ZNF483: variants seen among roughly 807,000 people sequenced by gnomAD.
ZNF483 encodes zinc finger protein HIT-10.
ZNF483 carries 9 observed loss-of-function variants against 28.6 expected under a neutral mutation model. The observed-to-expected ratio is 0.32, with a 90% CI of 0.19 to 0.55. The LOEUF is 0.55. ZNF483 is among the 20% of genes least tolerant of loss of function. The pLI is 0.93. For missense variants in ZNF483, 675 were observed against 871.7 expected, an observed-to-expected ratio of 0.77 and a Z score of 2.84; for synonymous variants, 322 against 306.2, an observed-to-expected ratio of 1.05 and a Z score of -0.54.
intron 5 of ZNF483, 35 bp from the exon 6 acceptor site, chr9:111,541,622 C>A: frequency 1.3e-6 from 2 of 1,522,700 alleles, no homozygotes; most frequent in South Asian, 1.3e-5. Context: ...TCCTTTCTTG[C>A]AAACAGGAAA....
chr9:111,540,888 A>G (rs775649261), intron 5 of ZNF483, among the ~76,000 whole-genome samples: 1 of 152,162 alleles, frequency 6.6e-6, no homozygotes, highest in African/African-American at 2.4e-5. Context: ...CTGTGTTCCC[A>G]GTTGTCACAT....
chr9:111,527,236 T>G (rs1275478951), intron 1 of ZNF483, 32 bp from the exon 2 acceptor site: 2 of 698,562 alleles, frequency 2.9e-6, no homozygotes, highest in East Asian at 2.8e-5. Flanking sequence ...GTTTTTTTAC[T>G]TATTTAATGC....
rs193036225 is a variant in ZNF483 at position 111,543,221 on chromosome 9, T to G, written c.*51T>G. ...GAATTTAATTCAAATTGTCAGTTAC[T>G]GAAACCCTGGGATGTAAACTTACAG... On this transcript the variant is annotated 3_prime_UTR_variant, in exon 6 of 6. Coordinates refer to ENST00000309235, the MANE Select transcript of ZNF483 (RefSeq NM_133464.5). 6.5e-7 allele frequency: 1 copy of G among 1,538,798 alleles called. No homozygotes were observed. Among genetic ancestry groups the G allele is most frequent in the Admixed American group, 2.0e-5 (1 of 50,214 alleles).
At position 111,547,322 on chromosome 9, in the gene ZNF483, T is replaced by C. The variant is rs1323471337; in HGVS notation, c.*4152T>C. ...GCTAACACTTATTTTCTATTTCTTT[T>C]TTATAATAGACATCCTAATGGGTTT... On this transcript the variant is annotated 3_prime_UTR_variant, in exon 6 of 6. Coordinates refer to ENST00000309235, the MANE Select transcript of ZNF483 (RefSeq NM_133464.5). Among the ~76,000 whole-genome samples, 1 of 152,184 alleles carries C rather than the reference T, an allele frequency of 6.6e-6. No individual in the cohort carries two copies. The highest frequency in any genetic ancestry group is 1.5e-5 in the Non-Finnish European group (1 of 68,000).
In ZNF483 at chr9:111,549,576, G is replaced by C; in HGVS notation, c.*6406G>C. ...GGTCTGTCTCCCTTGTAGATTATCAGAGTGGGTCGATAATCTACAAGCTTT... is the reference window on the plus strand; with the variant it reads ...GGTCTGTCTCCCTTGTAGATTATCACAGTGGGTCGATAATCTACAAGCTTT... On this transcript the variant is annotated 3_prime_UTR_variant, in exon 6 of 6. Transcript: ENST00000309235. 1 of 644,240 alleles carries C rather than the reference G, an allele frequency of 1.6e-6. No homozygotes were observed. The highest frequency in any genetic ancestry group is 2.6e-6 in the Non-Finnish European group (1 of 381,498). 39.9% of individuals were successfully genotyped at this position (644,240 alleles called of 1,614,324 possible).
At chr9:111,564,648 T>C (rs1828474666) in intron 5 of ZNF483, among the ~76,000 whole-genome samples, 1 of 152,020 alleles carries the variant, frequency 6.6e-6, no homozygotes, top group Admixed American at 6.6e-5. Flanking sequence ...TCATTCTTAT[T>C]CTTGAAGAAG....
chr9:111,527,111 AAAG>A (rs1827202071), intron 1 of ZNF483, among the ~76,000 whole-genome samples, 154 bp from the exon 2 acceptor site: 1 of 152,150 alleles, frequency 6.6e-6, no homozygotes, highest in African/African-American at 2.4e-5. Flanking sequence ...TCAAAAAAAA[AAAG>A]AAAGAAAGTT....
intron 5 of ZNF483, chr9:111,539,345 G>T (rs185808366): frequency 2.4e-6 from 1 of 421,276 alleles, no homozygotes; most frequent in African/African-American, 2.0e-5. Context: ...TTTGACCAGA[G>T]ATAGTACTCA....
intron 3 of ZNF483, among the ~76,000 whole-genome samples, chr9:111,531,398 A>G (rs1827343152): frequency 6.6e-6 from 1 of 151,954 alleles, no homozygotes; most frequent in Non-Finnish European, 1.5e-5. Flanking sequence ...CTTTCTTGAG[A>G]CAGAGTTTTA....
In ZNF483 at chr9:111,541,927, G is replaced by C. The variant is rs760951284; in HGVS notation, c.992G>C (p.Arg331Thr). The C allele has an allele frequency of 1.3e-5, 21 of 1,614,028 alleles. No homozygotes were observed. The Admixed American group carries it at 3.2e-4, about 24-fold the overall frequency. The change falls in exon 6 of 6, where the codon AGG (arginine) becomes ACG (threonine). Residue 331 changes from arginine to threonine, a missense_variant. By Grantham distance (71) the Arg-to-Thr change is moderately conservative (BLOSUM62 -1). Transcript: ENST00000309235. ...LRVYLRKKSRRYNESKKPFSF... is the reference protein window; with the variant it reads ...LRVYLRKKSRTYNESKKPFSF... Reference sequence around the variant, plus strand: ...GTCTACTTGAGGAAGAAATCTCGGAGGTATAATGAAAGCAAGAAACCCTTC... The same window carrying C: ...GTCTACTTGAGGAAGAAATCTCGGACGTATAATGAAAGCAAGAAACCCTTC...
At chr9:111,526,977 A>G (rs1037053353) in intron 1 of ZNF483, among the ~76,000 whole-genome samples, 1 of 152,018 alleles carries the variant, frequency 6.6e-6, no homozygotes, top group Non-Finnish European at 1.5e-5. Flanking sequence ...GTGGGCGCCT[A>G]TAATCCCAGC....
At position 111,546,183 on chromosome 9, in the gene ZNF483, C is replaced by T. The variant is rs968080947; in HGVS notation, c.*3013C>T. Among the ~76,000 whole-genome samples, 2 of 152,172 alleles carry T rather than the reference C, an allele frequency of 1.3e-5. No homozygotes were observed. Among genetic ancestry groups the T allele is most frequent in the Non-Finnish European group, 2.9e-5 (2 of 68,016 alleles). On this transcript the variant is annotated 3_prime_UTR_variant, in exon 6 of 6. Transcript: ENST00000309235. ...GTCAAAGCATCTTTTATGTGCTCTT[C>T]AGCCATTCATGTATCTTAGTGAAAT...
In ZNF483 at chr9:111,546,544, A is replaced by G. The variant is rs917936043; in HGVS notation, c.*3374A>G. Among the ~76,000 whole-genome samples the G allele has an allele frequency of 2.6e-5, 4 of 152,208 alleles. No homozygotes were observed. Among genetic ancestry groups the G allele is most frequent in the African/African-American group, 9.6e-5 (4 of 41,464 alleles). On this transcript the variant is annotated 3_prime_UTR_variant, in exon 6 of 6. Transcript: ENST00000309235. ...AGAGCACTGTGACACATTTTACTTT[A>G]AAATGAAGTCCTTGCTTTAAATAAT... is the stretch of plus-strand genomic sequence containing the variant.
chr9:111,543,407 C>T lies in ZNF483; in HGVS notation c.*237C>T, dbSNP rs913767699. On this transcript the variant is annotated 3_prime_UTR_variant, in exon 6 of 6. Coordinates refer to ENST00000309235, the MANE Select transcript of ZNF483 (RefSeq NM_133464.5). ...AATGCAAAATGATTCTGAGGCCAGA[C>T]GAATTGGAAAAGCTCTTTTCTTCAG... 149 of 1,257,608 alleles carry T rather than the reference C, an allele frequency of 1.2e-4. No homozygotes were observed. Among genetic ancestry groups the T allele is most frequent in the Non-Finnish European group, 1.4e-4 (138 of 1,000,152 alleles). 77.9% of individuals were successfully genotyped at this position (1,257,608 alleles called of 1,614,324 possible). A position where few individuals can be genotyped will look rare whatever the true frequency, so the allele number is the denominator to read the frequency against.
chr9:111,534,117 T>G, intron 4 of ZNF483, 144 bp from the exon 5 acceptor site: 2 of 802,674 alleles, frequency 2.5e-6, no homozygotes, highest in Admixed American at 5.0e-5. Flanking sequence ...TTTTCCCATT[T>G]TTGTCTCAAG....
At chr9:111,569,538 G>A (rs1273118359) in intron 5 of ZNF483, among the ~76,000 whole-genome samples, 1 of 152,156 alleles carries the variant, frequency 6.6e-6, no homozygotes, top group East Asian at 1.9e-4. Context: ...AGCACTTTGG[G>A]AGACTGAGGC....
exon 6 of ZNF483, chr9:111,576,490 G>A (rs985375302): frequency 1.3e-6 from 2 of 1,595,238 alleles, no homozygotes; most frequent in Non-Finnish European, 1.7e-6. Flanking sequence ...TGCAGTTCAA[G>A]AGGCTCTGGT....
At chr9:111,569,951 T>C in intron 5 of ZNF483, 2 of 1,334,374 alleles carry the variant, frequency 1.5e-6, no homozygotes, top group Non-Finnish European at 2.1e-6. Context: ...AGAATATTTA[T>C]ACTCTAAGCA....
chr9:111,559,655 A>G (rs1589287751), downstream of ZNF483, among the ~76,000 whole-genome samples: 1 of 151,370 alleles, frequency 6.6e-6, no homozygotes, highest in East Asian at 2.0e-4. Flanking sequence ...CAGCACACAC[A>G]CACACAGCTC....
Sources: allele counts gnomAD v4.1 joint callset (sites outside exome capture counted in the v4.1 genomes callset), GRCh38; gene constraint gnomAD v4.1.1; transcripts MANE v1.5; gene names NCBI Gene and HGNC (gene_info 2026-07-23, HGNC 2026-07-21).